Variants in ROBO2 observed in about 807,000 individuals in gnomAD.
The protein encoded by ROBO2 is roundabout guidance receptor 2.
In ROBO2, 53 loss-of-function variants were observed where a neutral mutation model predicts 160.8. That is an observed-to-expected ratio of 0.33 (90% CI 0.26 to 0.41). The LOEUF (loss-of-function observed/expected upper bound fraction) is 0.41, where lower values mean the gene tolerates loss of function less well. Among genes scored for constraint, ROBO2 ranks in the 10% least tolerant of loss-of-function variants. ROBO2 has a pLI of 1.00. For missense variants in ROBO2, 1,577 were observed against 1,722.4 expected, an observed-to-expected ratio of 0.92 and a Z score of 1.49; for synonymous variants, 664 against 611.7, an observed-to-expected ratio of 1.09 and a Z score of -1.26.
intron 2 of ROBO2, among the ~76,000 whole-genome samples, chr3:77,418,137 TA>T (rs1298220119): frequency 1.4e-5 from 2 of 144,548 alleles, no homozygotes; most frequent in African/African-American, 2.5e-5. Flanking sequence ...AACATCCTTA[TA>T]TTTTTTTTAC....
chr3:76,588,656 AT>A (rs1322992837), intron 2 of ROBO2, among the ~76,000 whole-genome samples: 3 of 152,226 alleles, frequency 2.0e-5, no homozygotes, highest in African/African-American at 7.2e-5. Flanking sequence ...GAGGCATTCA[AT>A]GTGATAGATA....
intron 2 of ROBO2, among the ~76,000 whole-genome samples, chr3:77,268,001 C>T (rs985168966): frequency 7.2e-5 from 11 of 152,140 alleles, no homozygotes; most frequent in Admixed American, 5.9e-4. Context: ...TATTATATGA[C>T]CTGCCTAGAA....
intron 1 of ROBO2, among the ~76,000 whole-genome samples, chr3:77,051,423 C>T (rs1171261211): frequency 6.6e-6 from 1 of 152,106 alleles, no homozygotes; most frequent in African/African-American, 2.4e-5. Flanking sequence ...CAACAGACAA[C>T]TTGTATTTTA....
intron 2 of ROBO2, among the ~76,000 whole-genome samples, chr3:77,375,677 T>C (rs2072536138): frequency 1.3e-5 from 2 of 151,986 alleles, no homozygotes; most frequent in Non-Finnish European, 2.9e-5. Flanking sequence ...GAAACAGGAG[T>C]ATGTAAAACC....
intron 2 of ROBO2, among the ~76,000 whole-genome samples, chr3:77,286,886 C>T (rs2060638604): frequency 6.6e-6 from 1 of 152,134 alleles, no homozygotes; most frequent in Non-Finnish European, 1.5e-5. Flanking sequence ...TTGGGCTTTG[C>T]CAGATGTTGA....
intron 2 of ROBO2, among the ~76,000 whole-genome samples, chr3:77,391,680 A>G (rs2153501351): frequency 6.6e-6 from 1 of 152,198 alleles, no homozygotes; most frequent in South Asian, 2.1e-4. Flanking sequence ...GACACAGCCA[A>G]ACCGTGTAAG....
rs115087774 is a variant in ROBO2, at chr3:76,563,517, T to A, written c.110-534497T>A. Among the ~76,000 whole-genome samples, 563 of 152,334 alleles carry A rather than the reference T, an allele frequency of 3.7e-3. 2 individuals are homozygous for A. The highest frequency in any genetic ancestry group is 0.013 in the African/African-American group (532 of 41,568). On this transcript the variant is annotated intron_variant, in intron 2 of 26. Transcript: ENST00000487694. Reference sequence around the variant, plus strand: ...GTGCTTATTGAATGCTAAATTATATTATGATGGGTTAATTTTGATATGGGA... The same window carrying A: ...GTGCTTATTGAATGCTAAATTATATAATGATGGGTTAATTTTGATATGGGA...
At chr3:76,805,693 T>C (rs1330321714) in intron 2 of ROBO2, among the ~76,000 whole-genome samples, 1 of 115,746 alleles carries the variant, frequency 8.6e-6, no homozygotes, top group Non-Finnish European at 1.9e-5. Flanking sequence ...TGTGTGTGTG[T>C]GTGTGAATTT....
chr3:77,613,941 A>G (rs1469982856), intron 21 of ROBO2, among the ~76,000 whole-genome samples: 3 of 152,202 alleles, frequency 2.0e-5, no homozygotes, highest in Admixed American at 6.5e-5. Flanking sequence ...TTATAAGATT[A>G]AGATAGGTAA....
At chr3:76,379,133 A>G (rs1221984994) in intron 2 of ROBO2, among the ~76,000 whole-genome samples, 1 of 152,186 alleles carries the variant, frequency 6.6e-6, no homozygotes, top group African/African-American at 2.4e-5. Flanking sequence ...TGTTTTAGTA[A>G]TACATCAAAG....
chr3:77,427,042 TAA>T (rs1280211746), intron 2 of ROBO2, among the ~76,000 whole-genome samples: 1 of 152,172 alleles, frequency 6.6e-6, no homozygotes, highest in Non-Finnish European at 1.5e-5. Flanking sequence ...CTGAAGCCTC[TAA>T]AAGTGACATT....
intron 2 of ROBO2, among the ~76,000 whole-genome samples, chr3:76,597,015 T>C (rs1466683620): frequency 1.3e-5 from 2 of 152,262 alleles, no homozygotes; most frequent in East Asian, 3.9e-4. Flanking sequence ...TCAAATCATC[T>C]TAGCCCGACA....
intron 5 of ROBO2, among the ~76,000 whole-genome samples, chr3:77,514,965 A>G (rs1428453829): frequency 5.3e-5 from 8 of 151,722 alleles, no homozygotes; most frequent in African/African-American, 7.2e-5. Context: ...TTTTTCCCCA[A>G]CTATAACTGC....
At chr3:77,194,719 T>C (rs939249337) in intron 2 of ROBO2, among the ~76,000 whole-genome samples, 10 of 152,190 alleles carry the variant, frequency 6.6e-5, no homozygotes, top group East Asian at 5.8e-4. Flanking sequence ...TTGACCTGTT[T>C]TATTGTTTAA....
chr3:77,137,704 C>T (rs1483799017), intron 2 of ROBO2, among the ~76,000 whole-genome samples: 1 of 152,200 alleles, frequency 6.6e-6, no homozygotes, highest in African/African-American at 2.4e-5. Context: ...GTCTGTTGAG[C>T]CCGGACAAGT....
intron 2 of ROBO2, among the ~76,000 whole-genome samples, chr3:76,064,595 A>G (rs1392839025): frequency 1.3e-5 from 2 of 152,218 alleles, no homozygotes; most frequent in African/African-American, 4.8e-5. Context: ...TTAAAAAGAA[A>G]GATTTTTCTA....
intron 2 of ROBO2, among the ~76,000 whole-genome samples, chr3:77,301,825 C>T (rs1442943367): frequency 6.6e-6 from 1 of 152,162 alleles, no homozygotes; most frequent in East Asian, 1.9e-4. Flanking sequence ...AATTTTGTTA[C>T]ATACTTGCTG....
At chr3:76,489,150 T>G (rs1176965771) in intron 2 of ROBO2, among the ~76,000 whole-genome samples, 1 of 130,284 alleles carries the variant, frequency 7.7e-6, no homozygotes, top group Non-Finnish European at 1.5e-5. Flanking sequence ...GACTTCTTTT[T>G]TTTGTTTTTT....
intron 2 of ROBO2, among the ~76,000 whole-genome samples, chr3:77,129,008 G>A (rs12497307): frequency 0.31 from 46,613 of 151,748 alleles, 8,556 homozygotes; most frequent in Middle Eastern, 0.45. Context: ...GCTAAAAGCT[G>A]TTGCGTGAGT....
Sources: allele counts gnomAD v4.1 joint callset (sites outside exome capture counted in the v4.1 genomes callset), GRCh38; gene constraint gnomAD v4.1.1; transcripts MANE v1.5; gene names NCBI Gene and HGNC (gene_info 2026-07-23, HGNC 2026-07-21).